Variants in CELSR2 observed in about 807,000 individuals in gnomAD.
The protein encoded by CELSR2 is EGF-like protein 2.
In CELSR2, 81 loss-of-function variants were observed where a neutral mutation model predicts 251.6. The ratio of observed to expected loss-of-function variants is 0.32; its 90% CI spans 0.27 to 0.39. The LOEUF is 0.39. CELSR2 is among the 10% of genes least tolerant of loss of function. CELSR2 has a pLI of 1.00. For synonymous variants in CELSR2, 1,721 were observed against 1,670.5 expected, an observed-to-expected ratio of 1.03 and a Z score of -0.74; for missense variants, 3,365 against 3,947.7, an observed-to-expected ratio of 0.85 and a Z score of 3.96.
rs1656275847 is a variant in CELSR2, at chr1:109,268,635, G to C, written c.6373G>C (p.Glu2125Gln). Residue 2125 changes from glutamate to glutamine, a missense_variant, in exon 18 of 34, where the codon GAG becomes CAG. By Grantham distance (29) the Glu-to-Gln change is conservative (BLOSUM62 2). Coordinates refer to ENST00000271332, the MANE Select transcript of CELSR2 (RefSeq NM_001408.3). Reference protein sequence around the residue: ...LLDTANKRHWELIQQTEGGTA... With the variant: ...LLDTANKRHWQLIQQTEGGTA... ...GGACACAGCCAACAAGCGGCACTGG[G>C]AGCTGATCCAGCAGACAGAGGGTGG... 1 of 1,613,968 alleles carries C rather than the reference G, an allele frequency of 6.2e-7. No homozygotes were observed. The highest frequency in any genetic ancestry group is 2.2e-5 in the East Asian group (1 of 44,872).
At chr1:109,270,863 C>T (rs41279714) in intron 24 of CELSR2, 64 bp from the exon 25 acceptor site, 55,255 of 1,238,350 alleles carry the variant, frequency 0.045, 1,617 homozygotes, top group African/African-American at 0.12. Flanking sequence ...CCCACCTGCC[C>T]GCAGCCCTAC....
Position 109,265,296 on chromosome 1 carries a change from C to T in CELSR2, c.5712C>T (p.Gly1904=). The T allele has an allele frequency of 6.2e-7, 1 of 1,605,736 alleles. No homozygotes were observed. The highest frequency in any genetic ancestry group is 8.5e-7 in the Non-Finnish European group (1 of 1,175,528). ...ACCCAGACTGCAACAAGACAAGCGG[C>T]GAGTGCCACTGCAAGGTGACAGCCC... ...GFDPDCNKTS[G]ECHCKENHYR... Residue 1904 remains glycine (G), a synonymous_variant, in exon 13 of 34, where the codon GGC becomes GGT. Coordinates refer to ENST00000271332, the MANE Select transcript of CELSR2 (RefSeq NM_001408.3).
At chr1:109,262,515 G>A in intron 6 of CELSR2, 71 bp downstream of exon 6, 4 of 1,571,476 alleles carry the variant, frequency 2.5e-6, no homozygotes, top group East Asian at 2.3e-5. Flanking sequence ...AGGTGGAGAG[G>A]GTGGGCTTTT....
Position 109,261,715 on chromosome 1 carries a change from C to A in CELSR2, c.4297+87C>A. On this transcript the variant is annotated intron_variant, in intron 4 of 33. Coordinates refer to ENST00000271332, the MANE Select transcript of CELSR2 (RefSeq NM_001408.3). This position sits in a 1 kb window ranked among gnomAD's most constrained non-coding sequence, Gnocchi z 4.8. ...GACCCCAAGCCACATACTCTATCAG[C>A]CAAATCTGGGCCCAGCCCCAGCCAC... is the stretch of plus-strand genomic sequence containing the variant. 1 of 1,547,356 alleles carries A rather than the reference C, an allele frequency of 6.5e-7. No individual in the cohort carries two copies. The highest frequency in any genetic ancestry group is 8.9e-7 in the Non-Finnish European group (1 of 1,126,512).
In CELSR2 at chr1:109,264,184, A is replaced by C; in HGVS notation, c.5108A>C (p.Gln1703Pro). The stretch of plus-strand genomic sequence containing the variant: ...AATGACGGTGACTGGCACCATGCAC[A>C]GCTGGCACTGGGAGCCAGCGGGGGG... ...RANDGDWHHAQLALGASGGPG... is the reference protein window; with the variant it reads ...RANDGDWHHAPLALGASGGPG... The change falls in exon 10 of 34, where the codon CAG becomes CCG. Residue 1703 changes from glutamine (Q) to proline (P), a missense_variant. Physicochemically the swap from Gln to Pro is moderately conservative, Grantham distance 76 (BLOSUM62 -1). Around this residue, in one of 5 missense-constraint regions of CELSR2, gnomAD observed 2,093 missense variants for 2,382.8 expected, o/e 0.88. Transcript: ENST00000271332. 1 of 1,613,000 alleles carries C rather than the reference A, an allele frequency of 6.2e-7. No individual in the cohort carries two copies. Among genetic ancestry groups the C allele is most frequent in the Non-Finnish European group, 8.5e-7 (1 of 1,179,684 alleles).
chr1:109,268,434 C>T, intron 17 of CELSR2, 147 bp from the exon 18 acceptor site: 1 of 1,107,856 alleles, frequency 9.0e-7, no homozygotes, highest in Non-Finnish European at 1.2e-6. Context: ...CAGTGCGGTC[C>T]AGGAGCATTT....
chr1:109,250,280 C>T lies in CELSR2; in HGVS notation c.201C>T (p.Leu67=), dbSNP rs770985490. The change falls in exon 1 of 34, where the codon CTC becomes CTT. Residue 67 remains leucine, a synonymous_variant. Transcript: ENST00000271332. The surrounding 1 kb of genome is among the most constrained non-coding windows in gnomAD (Gnocchi z 4.4). Reference sequence around the variant, plus strand: ...CATCCTCAGCGTCGAACCTCTGGCTCTACACCAGCCGCTGCAGGGATGCGG... The same window carrying T: ...CATCCTCAGCGTCGAACCTCTGGCTTTACACCAGCCGCTGCAGGGATGCGG... ...LCPSSASNLW[L]YTSRCRDAGT... is the part of the protein sequence containing the mutation. The T allele has an allele frequency of 6.2e-7, 1 of 1,613,100 alleles. No homozygotes were observed. Among genetic ancestry groups the T allele is most frequent in the East Asian group, 2.2e-5 (1 of 44,876 alleles).
chr1:109,267,834 C>T lies in CELSR2; in HGVS notation c.6109-17C>T, dbSNP rs369712061. The T allele has an allele frequency of 9.1e-5, 145 of 1,592,258 alleles. No individual in the cohort carries two copies. Among genetic ancestry groups the T allele is most frequent in the Admixed American group, 1.8e-4 (11 of 59,756 alleles). Reference sequence around the variant, plus strand: ...GTTCCTGCCCTCACTCCTGCTCCTCCGCTCCGTCCTGTCTAGGCTGAGCGG... The same window carrying T: ...GTTCCTGCCCTCACTCCTGCTCCTCTGCTCCGTCCTGTCTAGGCTGAGCGG... On this transcript the variant is annotated splice_polypyrimidine_tract_variant and intron_variant, in intron 16 of 33. Transcript: ENST00000271332.
chr1:109,267,587 T>TC lies in CELSR2; in HGVS notation c.6059dup (p.Asn2021LysfsTer18). On this transcript the variant is annotated frameshift_variant, in exon 16 of 34. Coordinates refer to ENST00000271332, the MANE Select transcript of CELSR2 (RefSeq NM_001408.3). LOFTEE classifies it high-confidence loss of function. ...CACTGTGATGAGCACAGGGGGTGGC[T>TC]CCCCCCAAACCTCTTCAACTGCACG... 1 of 1,613,664 alleles carries TC rather than the reference T, an allele frequency of 6.2e-7. No individual in the cohort carries two copies.
In CELSR2 at chr1:109,258,769, G is replaced by T; in HGVS notation, c.3648G>T (p.Leu1216=). ...QERLYLNRSL[L]TAISAQRVLP... ...GCCTATACCTCAACCGCAGCCTGCTGACGGCCATCTCGGCACAGCGCGTGC... is the reference window on the plus strand; with the variant it reads ...GCCTATACCTCAACCGCAGCCTGCTTACGGCCATCTCGGCACAGCGCGTGC... Residue 1216 remains leucine (L), a synonymous_variant, in exon 2 of 34, where the codon CTG becomes CTT. Coordinates refer to ENST00000271332, the MANE Select transcript of CELSR2 (RefSeq NM_001408.3). The T allele has an allele frequency of 6.3e-7, 1 of 1,597,660 alleles. No homozygotes were observed. Among genetic ancestry groups the T allele is most frequent in the Admixed American group, 1.7e-5 (1 of 57,594 alleles).
chr1:109,264,725 C>T (rs917429149), intron 11 of CELSR2, 97 bp downstream of exon 11: 4 of 1,572,420 alleles, frequency 2.5e-6, no homozygotes, highest in Admixed American at 3.4e-5. Context: ...ATCACACCAC[C>T]TCTCTGAGTC....
At position 109,253,189 on chromosome 1, in the gene CELSR2, G is replaced by T. The variant is rs548806014; in HGVS notation, c.3110G>T (p.Arg1037Leu). ...EILFNNYVTN[R>L]SSSFPGGAIG... is the part of the protein sequence containing the mutation. ...CTTTTCAACAACTATGTCACCAATC[G>T]CTCAAGCAGCTTCCCTGGGGGTGCC... Residue 1037 changes from arginine (R) to leucine (L), a missense_variant, in exon 1 of 34, where the codon CGC becomes CTC. Around this residue, in one of 5 missense-constraint regions of CELSR2, gnomAD observed 505 missense variants for 660.0 expected, o/e 0.77. Coordinates refer to ENST00000271332, the MANE Select transcript of CELSR2 (RefSeq NM_001408.3). 1 of 1,613,592 alleles carries T rather than the reference G, an allele frequency of 6.2e-7. No individual in the cohort carries two copies. The highest frequency in any genetic ancestry group is 1.1e-5 in the South Asian group (1 of 91,082).
In CELSR2 at chr1:109,263,191, G is replaced by A. The variant is rs746382176; in HGVS notation, c.4758G>A (p.Gly1586=). The change falls in exon 8 of 34, where the codon GGG becomes GGA. Residue 1586 remains glycine (G), a synonymous_variant. Coordinates refer to ENST00000271332, the MANE Select transcript of CELSR2 (RefSeq NM_001408.3). ...GTGACAGCAACACTTGCCACAATGG[G>A]GGCACTTGCGTGAACCAGTGGGACG... ...NVCDSNTCHN[G]GTCVNQWDAF... 5 of 1,600,462 alleles carry A rather than the reference G, an allele frequency of 3.1e-6. No homozygotes were observed. In the East Asian group the frequency reaches 9.0e-5, roughly 29 times the overall value.
rs1468814533 is a variant in CELSR2 at position 109,275,034 on chromosome 1, A to C, written c.*985A>C. The C allele has an allele frequency of 6.6e-6, 1 of 152,538 alleles. No individual in the cohort carries two copies. Among genetic ancestry groups the C allele is most frequent in the Non-Finnish European group, 1.5e-5 (1 of 68,036 alleles). The allele number at this position is 152,538 out of a possible 1,614,324, so 9.4% of individuals were successfully genotyped here. A position where few individuals can be genotyped will look rare whatever the true frequency, so the allele number is the denominator to read the frequency against. ...CCACTCACCCACCCCACCCCCCAAA[A>C]TCAGACAAATGCTACTTTGTCTAAC... On this transcript the variant is annotated 3_prime_UTR_variant, in exon 34 of 34. Coordinates refer to ENST00000271332, the MANE Select transcript of CELSR2 (RefSeq NM_001408.3).
chr1:109,273,246 C>T lies in CELSR2; in HGVS notation c.8419C>T (p.Pro2807Ser), dbSNP rs146152324. 3 of 1,612,654 alleles carry T rather than the reference C, an allele frequency of 1.9e-6. No individual in the cohort carries two copies. Among genetic ancestry groups the T allele is most frequent in the Non-Finnish European group, 2.5e-6 (3 of 1,179,436 alleles). The change falls in exon 32 of 34, where the codon CCT (proline) becomes TCT (serine). Residue 2807 changes from proline to serine, a missense_variant. This residue lies in a region of CELSR2 where 2,093 missense variants were observed against 2,382.8 expected (regional missense o/e 0.88). Coordinates refer to ENST00000271332, the MANE Select transcript of CELSR2 (RefSeq NM_001408.3). The part of the protein sequence containing the change: ...TAKESSGNGA[P>S]EERLRENGDA... The stretch of plus-strand genomic sequence containing the variant: ...AAAAGAGAGTAGTGGCAACGGGGCC[C>T]CTGAGGAGCGGCTGCGGGAGAATGG...
At chr1:109,270,389 G>A (rs760289014) in intron 23 of CELSR2, 37 bp from the exon 24 acceptor site, 2 of 1,609,658 alleles carry the variant, frequency 1.2e-6, no homozygotes, top group South Asian at 2.2e-5. Context: ...CTCTGGGCGG[G>A]CCCCGGTCGC....
At position 109,253,051 on chromosome 1, in the gene CELSR2, A is replaced by T; in HGVS notation, c.2972A>T (p.Glu991Val). ...LVDLDYEDRP[E>V]YVLVIQATSA... is the part of the protein sequence containing the mutation. ...GACTTAGACTACGAGGACCGGCCTG[A>T]GTACGTCCTGGTCATCCAGGCCACG... The change falls in exon 1 of 34, where the codon GAG becomes GTG. Residue 991 changes from glutamate to valine, a missense_variant. By Grantham distance (121) the Glu-to-Val change is moderately radical. Transcript: ENST00000271332. 1 of 1,613,700 alleles carries T rather than the reference A, an allele frequency of 6.2e-7. No homozygotes were observed. The highest frequency in any genetic ancestry group is 2.2e-5 in the East Asian group (1 of 44,892).
chr1:109,252,663 G>T lies in CELSR2; in HGVS notation c.2584G>T (p.Gly862Cys), dbSNP rs370447679. The change falls in exon 1 of 34, where the codon GGT (glycine) becomes TGT (cysteine). Residue 862 changes from glycine to cysteine, a missense_variant. Transcript: ENST00000271332. The surrounding 1 kb of genome is among the most constrained non-coding windows in gnomAD (Gnocchi z 4.8). ...CTTCCAAGGAGGCGACGATGGAGACGGTGACTTTATTGTTGAGTCCACGTC... is the reference window on the plus strand; with the variant it reads ...CTTCCAAGGAGGCGACGATGGAGACTGTGACTTTATTGTTGAGTCCACGTC... ...YTFQGGDDGD[G>C]DFIVESTSGI... 1.2e-6 allele frequency: 2 copies of T among 1,613,894 alleles called. No individual in the cohort carries two copies. The highest frequency in any genetic ancestry group is 1.7e-6 in the Non-Finnish European group (2 of 1,180,034).
chr1:109,268,082 G>A, intron 17 of CELSR2, 22 bp downstream of exon 17: 2 of 1,576,498 alleles, frequency 1.3e-6, no homozygotes, highest in East Asian at 2.3e-5. Flanking sequence ...AGGATGCAGG[G>A]CTGGCTGGTT....
Sources: allele counts gnomAD v4.1 joint callset, GRCh38; gene constraint gnomAD v4.1.1; regional missense constraint gnomAD v4.1.1; non-coding constraint Gnocchi (gnomAD v3.1); transcripts MANE v1.5; gene names NCBI Gene and HGNC (gene_info 2026-07-23, HGNC 2026-07-21).